Variants in NCOA1 observed in about 807,000 individuals in gnomAD.
The protein encoded by NCOA1 is Hin-2 protein.
A neutral mutation model predicts 150.9 loss-of-function variants in NCOA1; 35 were observed. That is an observed-to-expected ratio of 0.23 (90% CI 0.18 to 0.31). The LOEUF (loss-of-function observed/expected upper bound fraction) is 0.31, where lower values mean the gene tolerates loss of function less well. Ranked by LOEUF, NCOA1 falls within the 10% of genes least tolerant of loss-of-function variation. NCOA1 has a pLI of 1.00. For synonymous variants in NCOA1, 590 were observed against 630.0 expected (o/e 0.94, Z 0.95); for missense variants, 1,491 against 1,749.3 (o/e 0.85, Z 2.63).
intron 11 of NCOA1, among the ~76,000 whole-genome samples, chr2:24,702,136 T>G (rs1269035403): frequency 2.0e-5 from 3 of 152,214 alleles, no homozygotes; most frequent in Non-Finnish European, 4.4e-5. Flanking sequence ...TTGAGACTTG[T>G]GTAATGTGAT....
intron 3 of NCOA1, among the ~76,000 whole-genome samples, chr2:24,632,007 A>G (rs1279727681): frequency 1.3e-5 from 2 of 152,244 alleles, no homozygotes; most frequent in African/African-American, 2.4e-5. Flanking sequence ...AATAAATAAA[A>G]TGTTAGAAAT....
chr2:24,557,268 C>T (rs1666108824), intron 1 of NCOA1, among the ~76,000 whole-genome samples: 1 of 151,838 alleles, frequency 6.6e-6, no homozygotes, highest in African/African-American at 2.4e-5. Context: ...AATATTATGC[C>T]ACTTTATATG....
At chr2:24,660,502 AT>A (rs1671137468) in intron 5 of NCOA1, among the ~76,000 whole-genome samples, 1 of 152,098 alleles carries the variant, frequency 6.6e-6, no homozygotes, top group African/African-American at 2.4e-5. Context: ...GCAATATAGA[AT>A]ATTACATTTA....
chr2:24,753,454 T>G (rs1056800234), intron 20 of NCOA1, among the ~76,000 whole-genome samples: 3 of 152,108 alleles, frequency 2.0e-5, no homozygotes, highest in African/African-American at 7.2e-5. Flanking sequence ...AAGATTATAC[T>G]CTATCCACTT....
At chr2:24,724,911 TTTG>T (rs953218535) in intron 14 of NCOA1, among the ~76,000 whole-genome samples, 3 of 152,256 alleles carry the variant, frequency 2.0e-5, no homozygotes, top group South Asian at 2.1e-4. Context: ...TCCCTTTTTT[TTTG>T]TTGTTTTATT....
At chr2:24,527,309 C>A (rs1028510110) in intron 1 of NCOA1, among the ~76,000 whole-genome samples, 1 of 152,148 alleles carries the variant, frequency 6.6e-6, no homozygotes, top group Non-Finnish European at 1.5e-5. Context: ...TGACCAACAT[C>A]ATCCAGTTTC....
At chr2:24,577,152 A>G (rs990850358) in intron 2 of NCOA1, among the ~76,000 whole-genome samples, 2 of 152,128 alleles carry the variant, frequency 1.3e-5, no homozygotes, top group African/African-American at 2.4e-5. Context: ...AGGCTCTTCA[A>G]AGTGTTTGAC....
intron 7 of NCOA1, among the ~76,000 whole-genome samples, chr2:24,673,820 T>C (rs187852348): frequency 3.3e-5 from 5 of 152,352 alleles, no homozygotes; most frequent in Admixed American, 2.0e-4. Flanking sequence ...CCATAGAATT[T>C]TACTTTTGAA....
intron 19 of NCOA1, among the ~76,000 whole-genome samples, chr2:24,744,699 G>A (rs562852159): frequency 5.9e-5 from 9 of 152,256 alleles, no homozygotes; most frequent in Non-Finnish European, 7.3e-5. Context: ...CAAAATATAT[G>A]TGTTCCAACA....
At chr2:24,507,890 CTTCT>C (rs1260928361) in intron 1 of NCOA1, among the ~76,000 whole-genome samples, 1 of 152,090 alleles carries the variant, frequency 6.6e-6, no homozygotes, top group Non-Finnish European at 1.5e-5. Flanking sequence ...TGCCCAATTT[CTTCT>C]TTCTTTTTAA....
At chr2:24,561,484 ACC>A (rs1360746441) in intron 1 of NCOA1, among the ~76,000 whole-genome samples, 1 of 152,206 alleles carries the variant, frequency 6.6e-6, no homozygotes, top group African/African-American at 2.4e-5. Context: ...GCCAGCTTTC[ACC>A]AATGAGAGAG....
At chr2:24,744,482 C>T (rs760589294) in intron 19 of NCOA1, among the ~76,000 whole-genome samples, 11 of 152,180 alleles carry the variant, frequency 7.2e-5, no homozygotes, top group African/African-American at 1.4e-4. Flanking sequence ...TCTGTCACCA[C>T]TCTTAATTAT....
chr2:24,730,093 C>G (rs1297377056), intron 17 of NCOA1, among the ~76,000 whole-genome samples: 1 of 152,140 alleles, frequency 6.6e-6, no homozygotes, highest in Non-Finnish European at 1.5e-5. Flanking sequence ...ATTTGCCCAC[C>G]TCGGCCTCCC....
chr2:24,553,653 G>T (rs62142278), intron 1 of NCOA1, among the ~76,000 whole-genome samples: 28,591 of 152,122 alleles, frequency 0.19, 2,883 homozygotes, highest in Non-Finnish European at 0.23. Context: ...CATTTGGCTA[G>T]GATATATATT....
chr2:24,564,404 A>G lies in NCOA1; in HGVS notation c.-286A>G, dbSNP rs1212321461. Reference sequence around the variant, plus strand: ...ACTTTGCTTCCAAAAGAAGTTACCAACATTTAGAATTTCTACTTATTCTGA... The same window carrying G: ...ACTTTGCTTCCAAAAGAAGTTACCAGCATTTAGAATTTCTACTTATTCTGA... On this transcript the variant is annotated 5_prime_UTR_variant, in exon 2 of 23. Transcript: ENST00000348332. The G allele has an allele frequency of 6.6e-6, 1 of 152,250 alleles. No individual in the cohort carries two copies. Among genetic ancestry groups the G allele is most frequent in the Non-Finnish European group, 1.5e-5 (1 of 68,036 alleles). 9.4% of individuals were successfully genotyped at this position (152,250 alleles called of 1,614,324 possible). A position where few individuals can be genotyped will look rare whatever the true frequency, so the allele number is the denominator to read the frequency against.
intron 1 of NCOA1, among the ~76,000 whole-genome samples, chr2:24,535,772 T>G (rs144067945): frequency 0.022 from 3,404 of 152,316 alleles, 39 homozygotes; most frequent in South Asian, 0.033. Context: ...ATGTTGAATA[T>G]TAGCCCCCGT....
At chr2:24,681,307 T>C (rs1159760570) in intron 7 of NCOA1, among the ~76,000 whole-genome samples, 2 of 151,956 alleles carry the variant, frequency 1.3e-5, no homozygotes, top group Non-Finnish European at 2.9e-5. Flanking sequence ...GAGGTTGCAG[T>C]GGGCCAAGAT....
intron 1 of NCOA1, among the ~76,000 whole-genome samples, chr2:24,526,655 A>G (rs893954321): frequency 2.6e-5 from 4 of 152,056 alleles, no homozygotes; most frequent in African/African-American, 9.7e-5. Context: ...AATAAATTTT[A>G]TTGGCTGGGT....
At position 24,710,798 on chromosome 2, in the gene NCOA1, A is replaced by G. The variant is rs531233224; in HGVS notation, c.2419-133A>G. 1.9e-5 allele frequency: 16 copies of G among 846,968 alleles called. No individual in the cohort carries two copies. The East Asian group carries it at 3.7e-4, about 20-fold the overall frequency. The allele number at this position is 846,968 out of a possible 1,614,324, so 52.5% of individuals were successfully genotyped here. The stretch of plus-strand genomic sequence containing the variant: ...ATTTCCAAGTAGCCCCAATCATTCT[A>G]ATTATTTCTTCTTTCTTCATTATCT... On this transcript the variant is annotated intron_variant, in intron 13 of 22. Coordinates refer to ENST00000348332, the MANE Select transcript of NCOA1 (RefSeq NM_003743.5).
Sources: gnomAD v4.1 joint callset for allele counts (sites outside exome capture counted in the v4.1 genomes callset) on GRCh38, gnomAD v4.1.1 for gene constraint, MANE v1.5 for transcripts, NCBI Gene and HGNC (gene_info 2026-07-23, HGNC 2026-07-21) for gene names.